The following ARHGEF9 variants were observed in gnomAD, a reference collection of about 807,000 sequenced individuals.
The protein encoded by ARHGEF9 is rho guanine nucleotide exchange factor 9.
ARHGEF9 carries 2 observed loss-of-function variants against 41.3 expected under a neutral mutation model. The ratio of observed to expected loss-of-function variants is 0.05; its 90% CI spans 0.02 to 0.15. The LOEUF (loss-of-function observed/expected upper bound fraction) is 0.15. Ranked by LOEUF, ARHGEF9 falls within the 10% of genes least tolerant of loss-of-function variation. The probability of loss-of-function intolerance (pLI) is 1.00; values close to 1 mark genes in which losing one functional copy is unlikely to be tolerated. For missense variants in ARHGEF9, 225 were observed against 424.7 expected, an observed-to-expected ratio of 0.53 and a Z score of 4.13; for synonymous variants, 160 against 154.4, an observed-to-expected ratio of 1.04 and a Z score of -0.27.
chrX:63,667,170 A>C (rs1408014968), intron 6 of ARHGEF9, among the ~76,000 whole-genome samples: 4 of 111,932 alleles, frequency 3.6e-5, no homozygotes, highest in African/African-American at 9.7e-5. Context: ...ACAGTGCGCC[A>C]GATATTTTCA....
intron 1 of ARHGEF9, among the ~76,000 whole-genome samples, chrX:63,731,525 C>T (rs2054281094): frequency 1.0e-5 from 1 of 98,553 alleles, no homozygotes; most frequent in African/African-American, 3.8e-5. Context: ...ACCAAATGAT[C>T]TTGGACAGGT....
At chrX:63,693,952 G>A (rs782265522) in intron 4 of ARHGEF9, among the ~76,000 whole-genome samples, 1 of 110,986 alleles carries the variant, frequency 9.0e-6, no homozygotes, top group South Asian at 3.8e-4. Flanking sequence ...GGAGGCCGAG[G>A]TGGGAAGATC....
chrX:63,751,956 T>C (rs2055665308), intron 1 of ARHGEF9, among the ~76,000 whole-genome samples: 1 of 110,882 alleles, frequency 9.0e-6, no homozygotes, highest in Non-Finnish European at 1.9e-5. Flanking sequence ...CGTGACACTA[T>C]TTAAGTCATA....
At chrX:63,781,153 A>G (rs1556461873) in intron 1 of ARHGEF9, among the ~76,000 whole-genome samples, 2 of 112,179 alleles carry the variant, frequency 1.8e-5, no homozygotes, top group South Asian at 3.7e-4. Flanking sequence ...GAATATCTTT[A>G]CCATTAAAAT....
chrX:63,656,860 G>A (rs2048906962), intron 7 of ARHGEF9: 1 of 112,187 alleles, frequency 8.9e-6, no homozygotes, highest in Admixed American at 9.5e-5. Context: ...TCTTAATGCG[G>A]ATAGTAAACA....
At chrX:63,713,734 C>CACA (rs2053107225) in intron 2 of ARHGEF9, among the ~76,000 whole-genome samples, 1 of 89,432 alleles carries the variant, frequency 1.1e-5, no homozygotes, top group African/African-American at 6.5e-5. Flanking sequence ...ACACACACAC[C>CACA]CAGTTTTGGA....
At position 63,635,194 on chromosome X, in the gene ARHGEF9, C is replaced by G. The variant is rs2047255076; in HGVS notation, c.*2834G>C. 5.9e-6 allele frequency: 2 copies of G among 341,687 alleles called. No homozygotes were observed. The highest frequency in any genetic ancestry group is 1.1e-5 in the Non-Finnish European group (2 of 189,638). 28.2% of individuals were successfully genotyped at this position (341,687 alleles called of 1,213,427 possible). Reference sequence around the variant, plus strand: ...CCCAGCCCACCCCATCCCCAAAGCACTAAAAGATCACTATTTGGCTTCACA... The same window carrying G: ...CCCAGCCCACCCCATCCCCAAAGCAGTAAAAGATCACTATTTGGCTTCACA... On this transcript the variant is annotated 3_prime_UTR_variant, in exon 10 of 10. Coordinates refer to ENST00000671741, the MANE Select transcript of ARHGEF9 (RefSeq NM_001353921.2).
At chrX:63,712,777 C>T (rs782746779) in intron 2 of ARHGEF9, 3 of 111,144 alleles carry the variant, frequency 2.7e-5, no homozygotes, top group African/African-American at 9.8e-5. Context: ...TGAAATTTCC[C>T]CTGATTGTTC....
At chrX:63,645,306 C>T (rs1380380557) in intron 8 of ARHGEF9, among the ~76,000 whole-genome samples, 3 of 109,565 alleles carry the variant, frequency 2.7e-5, no homozygotes, top group African/African-American at 1.0e-4. Context: ...TATACATGTG[C>T]CATGTTGGTG....
chrX:63,774,089 CTAT>C (rs2056250070), intron 1 of ARHGEF9, among the ~76,000 whole-genome samples: 3 of 106,908 alleles, frequency 2.8e-5, no homozygotes, highest in Non-Finnish European at 5.7e-5. Context: ...ATCTATCTAT[CTAT>C]CTACTTATCC....
At chrX:63,738,956 C>T (rs1556424992) in intron 1 of ARHGEF9, among the ~76,000 whole-genome samples, 2 of 111,333 alleles carry the variant, frequency 1.8e-5, no homozygotes, top group Admixed American at 1.9e-4. Context: ...AAAGGAAAAC[C>T]ACACTAAGGG....
intron 1 of ARHGEF9, among the ~76,000 whole-genome samples, chrX:63,729,327 T>C (rs572210185): frequency 3.7e-4 from 41 of 110,914 alleles, no homozygotes; most frequent in African/African-American, 1.2e-3. Context: ...GAAATCAAGA[T>C]TTATGCTTAA....
Position 63,637,356 on chromosome X carries a change from G to C in ARHGEF9, c.*672C>G. The C allele has an allele frequency of 3.4e-6, 1 of 296,277 alleles. No homozygotes were observed. Among genetic ancestry groups the C allele is most frequent in the Non-Finnish European group, 5.9e-6 (1 of 169,926 alleles). 24.4% of individuals were successfully genotyped at this position (296,277 alleles called of 1,213,427 possible). A position where few individuals can be genotyped will look rare whatever the true frequency, so the allele number is the denominator to read the frequency against. On this transcript the variant is annotated 3_prime_UTR_variant, in exon 10 of 10. Coordinates refer to ENST00000671741, the MANE Select transcript of ARHGEF9 (RefSeq NM_001353921.2). ...GGAATACTGAGCAGTTTTGTCACAG[G>C]GCACAACAGAGCATGTCCAGACTGG... is the stretch of plus-strand genomic sequence containing the variant.
rs782809227 is a variant in ARHGEF9, at chrX:63,735,051, C to A, written c.31-10340G>T. Among the ~76,000 whole-genome samples the A allele has an allele frequency of 1.1e-3, 124 of 111,223 alleles. 1 individual carries two copies. The highest frequency in any genetic ancestry group is 2.0e-3 in the Non-Finnish European group (105 of 53,086). On this transcript the variant is annotated intron_variant, in intron 1 of 9. Transcript: ENST00000671741. ...AAATGTCCCTGCCCTGGGAGCCATG[C>A]TCGTCTTCTTGGACTTGGTGTGAAT... is the stretch of plus-strand genomic sequence containing the variant.
intron 7 of ARHGEF9, among the ~76,000 whole-genome samples, chrX:63,660,902 G>T: frequency 9.0e-6 from 1 of 111,586 alleles, no homozygotes; most frequent in East Asian, 2.8e-4. Context: ...ATGGGCGAAA[G>T]GAGATTGCCT....
rs1286076100 is a variant in ARHGEF9, at chrX:63,724,562, C to T, written c.180G>A (p.Glu60=). 5 of 1,209,030 alleles carry T rather than the reference C, an allele frequency of 4.1e-6. No individual in the cohort carries two copies. In the African/African-American group the frequency reaches 5.3e-5, roughly 13 times the overall value. The stretch of plus-strand genomic sequence containing the variant: ...CAAAGCTGGCAGGAAACCATCCCTC[C>T]TCATCGTCGATCTGGCCCCACCACC... ...KDWWWGQIDD[E]EGWFPASFVR... Residue 60 remains glutamate (E), a synonymous_variant, in exon 2 of 10, where the codon GAG becomes GAA. Transcript: ENST00000671741.
Position 63,636,106 on chromosome X carries a change from T to A in ARHGEF9, c.*1922A>T, listed in dbSNP as rs781854255. ...TCCCACAAAGAAAAGATTCCCAGGC[T>A]GGGCAATGCCTGGTCTGGATCAGGA... On this transcript the variant is annotated 3_prime_UTR_variant, in exon 10 of 10. Coordinates refer to ENST00000671741, the MANE Select transcript of ARHGEF9 (RefSeq NM_001353921.2). 1 of 112,183 alleles carries A rather than the reference T, an allele frequency of 8.9e-6. No individual in the cohort carries two copies. Among genetic ancestry groups the A allele is most frequent in the Non-Finnish European group, 1.9e-5 (1 of 53,276 alleles). 9.2% of individuals were successfully genotyped at this position (112,183 alleles called of 1,213,427 possible). A position where few individuals can be genotyped will look rare whatever the true frequency, so the allele number is the denominator to read the frequency against.
intron 1 of ARHGEF9, among the ~76,000 whole-genome samples, chrX:63,761,771 A>G (rs1157845984): frequency 1.8e-5 from 2 of 111,618 alleles, no homozygotes; most frequent in Non-Finnish European, 3.8e-5. Context: ...GACTGAATAA[A>G]TACCTGAGTA....
At chrX:63,781,798 T>A (rs782380545) in intron 1 of ARHGEF9, among the ~76,000 whole-genome samples, 1 of 112,186 alleles carries the variant, frequency 8.9e-6, no homozygotes, top group East Asian at 2.8e-4. Flanking sequence ...GTGGCTGTTT[T>A]CTCTCTGATT....
Sources: gnomAD v4.1 joint callset for allele counts (sites outside exome capture counted in the v4.1 genomes callset) on GRCh38, gnomAD v4.1.1 for gene constraint, MANE v1.5 for transcripts, NCBI Gene and HGNC (gene_info 2026-07-23, HGNC 2026-07-21) for gene names.